Variants in CTNND2 observed in about 807,000 individuals in gnomAD.
CTNND2 encodes catenin delta-2.
A neutral mutation model predicts 144.4 loss-of-function variants in CTNND2; 22 were observed. That is an observed-to-expected ratio of 0.15 (90% CI 0.11 to 0.22). The LOEUF (loss-of-function observed/expected upper bound fraction) is 0.22, where lower values mean the gene tolerates loss of function less well. CTNND2 is among the 10% of genes least tolerant of loss of function. The probability of loss-of-function intolerance (pLI) is 1.00; values close to 1 mark genes in which losing one functional copy is unlikely to be tolerated. For synonymous variants in CTNND2, 751 were observed against 695.6 expected, an observed-to-expected ratio of 1.08 and a Z score of -1.25; for missense variants, 1,353 against 1,618.8, an observed-to-expected ratio of 0.84 and a Z score of 2.82.
chr5:11,232,758 A>G (rs997964748), intron 10 of CTNND2, among the ~76,000 whole-genome samples: 4 of 152,188 alleles, frequency 2.6e-5, no homozygotes, highest in Admixed American at 6.5e-5. Context: ...ATTGCGTTTT[A>G]AAATGTCAGG....
intron 1 of CTNND2, among the ~76,000 whole-genome samples, chr5:11,866,445 CCT>C (rs1795773120): frequency 6.6e-6 from 1 of 152,186 alleles, no homozygotes; most frequent in Admixed American, 6.5e-5. Flanking sequence ...TAAGAGGAAG[CCT>C]GAGCAGGATG....
At chr5:11,565,949 AAC>A (rs1348985291) in intron 2 of CTNND2, among the ~76,000 whole-genome samples, 1 of 152,212 alleles carries the variant, frequency 6.6e-6, no homozygotes, top group African/African-American at 2.4e-5. Context: ...AAATTATCTA[AAC>A]AGTTATGTTT....
At chr5:11,526,721 A>AT (rs1773280155) in intron 3 of CTNND2, among the ~76,000 whole-genome samples, 1 of 152,166 alleles carries the variant, frequency 6.6e-6, no homozygotes, top group South Asian at 2.1e-4. Context: ...TAAAACCAAA[A>AT]TTACCACTTG....
intron 10 of CTNND2, among the ~76,000 whole-genome samples, chr5:11,214,966 G>A (rs1011250657): frequency 3.9e-5 from 6 of 152,014 alleles, no homozygotes; most frequent in African/African-American, 1.2e-4. Context: ...TTCATTTTCC[G>A]CTTCCATCCT....
chr5:11,008,676 T>G lies in CTNND2; in HGVS notation c.3084+9298A>C, dbSNP rs1740743351. ...GAAGTCTTAGACCTTCCACTCGGAG[T>G]TGCAAAAATGGTGGACAAAATAGGG... On this transcript the variant is annotated intron_variant, in intron 18 of 21. Transcript: ENST00000304623. Among the ~76,000 whole-genome samples, 4 of 152,050 alleles carry G rather than the reference T, an allele frequency of 2.6e-5. No homozygotes were observed. The South Asian group carries it at 8.3e-4, about 32-fold the overall frequency.
At chr5:11,228,236 T>C (rs1475280776) in intron 10 of CTNND2, among the ~76,000 whole-genome samples, 1 of 151,022 alleles carries the variant, frequency 6.6e-6, no homozygotes, top group Non-Finnish European at 1.5e-5. Flanking sequence ...TTCTAGCTGC[T>C]TGGGAGGCTG....
intron 2 of CTNND2, among the ~76,000 whole-genome samples, chr5:11,704,948 C>T (rs187835873): frequency 6.9e-4 from 104 of 151,652 alleles, no homozygotes; most frequent in African/African-American, 2.4e-3. Context: ...GTGTGTTTCT[C>T]TCCAGAGCTC....
At chr5:11,902,104 T>C (rs926917316) in intron 1 of CTNND2, among the ~76,000 whole-genome samples, 3 of 152,208 alleles carry the variant, frequency 2.0e-5, no homozygotes, top group Admixed American at 1.3e-4. Context: ...TGACTTGTGA[T>C]TAGTGTAATC....
chr5:11,868,428 A>G (rs1320967715), intron 1 of CTNND2, among the ~76,000 whole-genome samples: 6 of 152,208 alleles, frequency 3.9e-5, no homozygotes, highest in Non-Finnish European at 8.8e-5. Context: ...CTTTGGTGTT[A>G]AATGACTGAA....
At chr5:11,683,444 A>T (rs553895817) in intron 2 of CTNND2, among the ~76,000 whole-genome samples, 14 of 152,252 alleles carry the variant, frequency 9.2e-5, no homozygotes, top group Non-Finnish European at 2.1e-4. Flanking sequence ...AAAGCCATTA[A>T]TAGAATACTC....
chr5:11,026,248 G>A (rs1458862959), intron 16 of CTNND2, among the ~76,000 whole-genome samples: 1 of 151,946 alleles, frequency 6.6e-6, no homozygotes, highest in Non-Finnish European at 1.5e-5. Flanking sequence ...GCATGGGGCA[G>A]AAGAAGTGCC....
rs1048681830 is a variant in CTNND2 at position 11,220,205 on chromosome 5, A to G, written c.1761+16486T>C. On this transcript the variant is annotated intron_variant, in intron 10 of 21. Coordinates refer to ENST00000304623, the MANE Select transcript of CTNND2 (RefSeq NM_001332.4). ...AAAATCCATAAAAAAAAAAATTTAG[A>G]GTGTGTTTGCATTACATAGAAAAGA... Among the ~76,000 whole-genome samples, 8 of 152,204 alleles carry G rather than the reference A, an allele frequency of 5.3e-5. No individual in the cohort carries two copies. The East Asian group carries it at 1.5e-3, about 29-fold the overall frequency.
chr5:11,806,142 G>A (rs10053983), intron 1 of CTNND2, among the ~76,000 whole-genome samples: 15,157 of 152,094 alleles, frequency 0.1, 1,785 homozygotes, highest in African/African-American at 0.28. Flanking sequence ...ACCTAGGAAA[G>A]TTGGAATAAA....
chr5:11,618,423 GA>G (rs1234935344), intron 2 of CTNND2, among the ~76,000 whole-genome samples: 43 of 152,064 alleles, frequency 2.8e-4, no homozygotes, highest in Admixed American at 2.8e-3. Flanking sequence ...ACCCAAAAAG[GA>G]AAAAACTTCT....
intron 16 of CTNND2, among the ~76,000 whole-genome samples, chr5:11,080,453 C>A (rs1268292008): frequency 6.6e-6 from 1 of 152,172 alleles, no homozygotes; most frequent in African/African-American, 2.4e-5. Context: ...ACTATATGAT[C>A]CAGTAATCCC....
intron 1 of CTNND2, among the ~76,000 whole-genome samples, chr5:11,790,300 C>G (rs1196096470): frequency 6.6e-6 from 1 of 152,136 alleles, no homozygotes; most frequent in African/African-American, 2.4e-5. Context: ...GAAGTTTCAG[C>G]CACTTAGTGC....
rs528039950 is a variant in CTNND2, at chr5:11,705,287, C to T, written c.174+26849G>A. ...AGAAACAGAATGTGTCTGAGCACTA[C>T]GCCAGCCAGAATTCTTCCCCCACCC... is the stretch of plus-strand genomic sequence containing the variant. On this transcript the variant is annotated intron_variant, in intron 2 of 21. Coordinates refer to ENST00000304623, the MANE Select transcript of CTNND2 (RefSeq NM_001332.4). 4.6e-5 allele frequency among the ~76,000 whole-genome samples: 7 copies of T among 152,286 alleles called. No individual in the cohort carries two copies. The East Asian group carries it at 9.7e-4, about 21-fold the overall frequency.
chr5:11,162,007 G>C lies in CTNND2; in HGVS notation c.1976-2248C>G, dbSNP rs918964044. Among the ~76,000 whole-genome samples, 5 of 151,990 alleles carry C rather than the reference G, an allele frequency of 3.3e-5. No homozygotes were observed. In the East Asian group the frequency reaches 9.7e-4, roughly 29 times the overall value. On this transcript the variant is annotated intron_variant, in intron 11 of 21. Coordinates refer to ENST00000304623, the MANE Select transcript of CTNND2 (RefSeq NM_001332.4). ...TCTACTAAAAATACAAAAAGTAGCT[G>C]GGTGTGGTGGCGTGTGCTTATAATC...
At chr5:11,813,767 AC>A (rs1217021228) in intron 1 of CTNND2, among the ~76,000 whole-genome samples, 1 of 152,194 alleles carries the variant, frequency 6.6e-6, no homozygotes, top group African/African-American at 2.4e-5. Flanking sequence ...TTCAGCCTCG[AC>A]CTCCCAAAGC....
Sources: allele counts gnomAD v4.1 joint callset (sites outside exome capture counted in the v4.1 genomes callset), GRCh38; gene constraint gnomAD v4.1.1; transcripts MANE v1.5; gene names NCBI Gene and HGNC (gene_info 2026-07-23, HGNC 2026-07-21).